Variants in KIF12 observed in about 807,000 individuals in gnomAD.
The protein encoded by KIF12 is kinesin-like protein KIF12.
In KIF12, 80 loss-of-function variants were observed where a neutral mutation model predicts 87.9. The observed-to-expected ratio is 0.91, with a 90% confidence interval of 0.76 to 1.10. The LOEUF is 1.10. Among genes scored for constraint, KIF12 ranks in the 50% least tolerant of loss-of-function variants. The pLI, the probability that KIF12 is intolerant of heterozygous loss-of-function variation, is 0.00. For synonymous variants in KIF12, 353 were observed against 348.5 expected (o/e 1.01, Z -0.14); for missense variants, 819 against 865.3 (o/e 0.95, Z 0.67).
intron 16 of KIF12, 71 bp downstream of exon 16, chr9:114,093,158 G>T: frequency 2.2e-6 from 3 of 1,371,156 alleles, no homozygotes; most frequent in Non-Finnish European, 3.0e-6. Context: ...TGGGGCTCTG[G>T]ATTGATGACT....
At position 114,098,200 on chromosome 9, in the gene KIF12, G is replaced by A. The variant is rs1191983910; in HGVS notation, c.300-10C>T. On this transcript the variant is annotated splice_polypyrimidine_tract_variant and intron_variant, in intron 4 of 18. Coordinates refer to ENST00000640217, the MANE Select transcript of KIF12 (RefSeq NM_001388308.1). Reference sequence around the variant, plus strand: ...AACAGTGCAGGAGAAACTGCGGGCGGCAAGGGCGTGGCTGGACTCCGGCGG... The same window carrying A: ...AACAGTGCAGGAGAAACTGCGGGCGACAAGGGCGTGGCTGGACTCCGGCGG... 3 of 1,543,038 alleles carry A rather than the reference G, an allele frequency of 1.9e-6. No individual in the cohort carries two copies. Among genetic ancestry groups the A allele is most frequent in the South Asian group, 1.2e-5 (1 of 83,184 alleles).
rs1847190739 is a variant in KIF12 at position 114,095,612 on chromosome 9, G to GT, written c.896-281dup. Among the ~76,000 whole-genome samples, 3 of 152,294 alleles carry GT rather than the reference G, an allele frequency of 2.0e-5. No homozygotes were observed. The South Asian group carries it at 6.2e-4, about 32-fold the overall frequency. The stretch of plus-strand genomic sequence containing the variant: ...TAACAAATGGATTGTACACAAAGGA[G>GT]TTTCGCGGGCATCTCACATGCATGC... On this transcript the variant is annotated intron_variant, in intron 9 of 18. Coordinates refer to ENST00000640217, the MANE Select transcript of KIF12 (RefSeq NM_001388308.1).
In KIF12 at chr9:114,091,753, G is replaced by C; in HGVS notation, c.*108C>G. Reference sequence around the variant, plus strand: ...GTCCCCGCCCCTAGCCCAGCTGCAGGTGGAGTAGCAGCTGCTGTCTCCATT... The same window carrying C: ...GTCCCCGCCCCTAGCCCAGCTGCAGCTGGAGTAGCAGCTGCTGTCTCCATT... On this transcript the variant is annotated 3_prime_UTR_variant, in exon 19 of 19. Transcript: ENST00000640217. The C allele has an allele frequency of 8.4e-7, 1 of 1,188,254 alleles. No homozygotes were observed. Among genetic ancestry groups the C allele is most frequent in the Non-Finnish European group, 1.2e-6 (1 of 866,416 alleles). The allele number at this position is 1,188,254 out of a possible 1,614,324, so 73.6% of individuals were successfully genotyped here. A position where few individuals can be genotyped will look rare whatever the true frequency, so the allele number is the denominator to read the frequency against.
rs1455660771 is a variant in KIF12, at chr9:114,093,324, G to A, written c.1501C>T (p.Pro501Ser). 1 of 1,558,628 alleles carries A rather than the reference G, an allele frequency of 6.4e-7. No individual in the cohort carries two copies. Among genetic ancestry groups the A allele is most frequent in the South Asian group, 1.2e-5 (1 of 84,542 alleles). ...TGGCAGCAGGGGCAGGAGTAGAGGG[G>A]TGGCAGTGCCTGCAAAAAGGTGCGT... is the stretch of plus-strand genomic sequence containing the variant. ...APAPPCHALPPLYSCPCCHIC... is the reference protein window; with the variant it reads ...APAPPCHALPSLYSCPCCHIC... The change falls in exon 16 of 19, where the codon CCC (proline) becomes TCC (serine). Residue 501 changes from proline (P) to serine (S), a missense_variant. By Grantham distance (74) the Pro-to-Ser change is moderately conservative (BLOSUM62 -1). Coordinates refer to ENST00000640217, the MANE Select transcript of KIF12 (RefSeq NM_001388308.1).
chr9:114,093,389 C>A lies in KIF12; in HGVS notation c.1491+18G>T, dbSNP rs904559862. The A allele has an allele frequency of 7.1e-6, 11 of 1,558,748 alleles. No homozygotes were observed. The African/African-American group carries it at 1.4e-4, about 19-fold the overall frequency. ...CATCCCTACTTGTCACCCCTCCAGGCTGGGCCGTGAGACTCACATGGCAAG... is the reference window on the plus strand; with the variant it reads ...CATCCCTACTTGTCACCCCTCCAGGATGGGCCGTGAGACTCACATGGCAAG... On this transcript the variant is annotated intron_variant, in intron 15 of 18. Transcript: ENST00000640217.
chr9:114,095,196 C>G lies in KIF12; in HGVS notation c.1014+18G>C, dbSNP rs1208250131. 1 of 1,612,942 alleles carries G rather than the reference C, an allele frequency of 6.2e-7. No homozygotes were observed. The highest frequency in any genetic ancestry group is 8.5e-7 in the Non-Finnish European group (1 of 1,179,746). ...TTCCTCAAGACCCAACCTTCCCTGC[C>G]AGGCCCCGCTTAAGTACCATGAGGG... On this transcript the variant is annotated intron_variant, in intron 10 of 18. Coordinates refer to ENST00000640217, the MANE Select transcript of KIF12 (RefSeq NM_001388308.1).
At position 114,092,426 on chromosome 9, in the gene KIF12, G is replaced by C; in HGVS notation, c.1723C>G (p.Arg575Gly). 6.2e-7 allele frequency: 1 copy of C among 1,613,402 alleles called. No individual in the cohort carries two copies. The highest frequency in any genetic ancestry group is 8.5e-7 in the Non-Finnish European group (1 of 1,179,748). Reference protein sequence around the residue: ...ERSHSDWTQTRVLAEMLTEEE... With the variant: ...ERSHSDWTQTGVLAEMLTEEE... ...TCCGTCAACATCTCTGCCAGGACTC[G>C]GGTCTGAGTCCAGTCACTGTGACTC... is the stretch of plus-strand genomic sequence containing the variant. The change falls in exon 18 of 19, where the codon CGA becomes GGA. Residue 575 changes from arginine to glycine, a missense_variant. Physicochemically the swap from Arg to Gly is moderately radical, Grantham distance 125 (BLOSUM62 -2). Coordinates refer to ENST00000640217, the MANE Select transcript of KIF12 (RefSeq NM_001388308.1).
At position 114,091,931 on chromosome 9, in the gene KIF12, C is replaced by T. The variant is rs374850339; in HGVS notation, c.1886G>A (p.Arg629Gln). 18 of 1,612,374 alleles carry T rather than the reference C, an allele frequency of 1.1e-5. No individual in the cohort carries two copies. The Admixed American group carries it at 1.8e-4, about 16-fold the overall frequency. The change falls in exon 19 of 19, where the codon CGA becomes CAA. Residue 629 changes from arginine (R) to glutamine (Q), a missense_variant. Arg to Gln is a conservative substitution (Grantham distance 43, BLOSUM62 1). Transcript: ENST00000640217. ...GCAGGGTGGCTGGCTGCGGCCACGT[C>T]GCAGGGAGCTGCCAATCTGGTCTCT... Reference protein sequence around the residue: ...ALRDQIGSSLRRGRSQPPCSE... With the variant: ...ALRDQIGSSLQRGRSQPPCSE...
At position 114,098,303 on chromosome 9, in the gene KIF12, C is replaced by G. The variant is rs1177956021; in HGVS notation, c.298G>C (p.Gly100Arg). The G allele has an allele frequency of 3.4e-6, 5 of 1,468,108 alleles. No individual in the cohort carries two copies. Among genetic ancestry groups the G allele is most frequent in the Admixed American group, 5.5e-5 (2 of 36,356 alleles). The allele number at this position is 1,468,108 out of a possible 1,614,324, so 90.9% of individuals were successfully genotyped here. Reference protein sequence around the residue: ...VRRLGELALRGFSCTVFTFGQ... With the variant: ...VRRLGELALRRFSCTVFTFGQ... ...GAGCGGAGGCGAAGCTTCACTCACC[C>G]GCGCAGCGCCAGCTCCCCCAGGCGC... Residue 100 changes from glycine to arginine, a missense_variant and splice_region_variant, in exon 4 of 19, where the codon GGT becomes CGT. Physicochemically the swap from Gly to Arg is moderately radical, Grantham distance 125. Coordinates refer to ENST00000640217, the MANE Select transcript of KIF12 (RefSeq NM_001388308.1).
At chr9:114,098,220 C>T in intron 4 of KIF12, 30 bp from the exon 5 acceptor site, 1 of 1,529,268 alleles carries the variant, frequency 6.5e-7, no homozygotes, top group Non-Finnish European at 8.8e-7. Flanking sequence ...GGCTGGACTC[C>T]GGCGGCTACC....
chr9:114,096,582 C>G (rs1847241253), intron 7 of KIF12, 104 bp from the exon 8 acceptor site: 1 of 974,548 alleles, frequency 1.0e-6, no homozygotes, highest in Admixed American at 2.0e-5. Flanking sequence ...CAGCCTCATG[C>G]AAAGGCAGGG....
At chr9:114,097,815 G>A in intron 5 of KIF12, 74 bp from the exon 6 acceptor site, 2 of 1,485,736 alleles carry the variant, frequency 1.3e-6, no homozygotes, top group African/African-American at 1.4e-5. Context: ...GTATGATACC[G>A]TGCGCCGGGA....
intron 3 of KIF12, 127 bp downstream of exon 3, chr9:114,098,808 G>A: frequency 9.4e-7 from 1 of 1,063,958 alleles, no homozygotes; most frequent in Non-Finnish European, 1.3e-6. Flanking sequence ...GGCACTCTGG[G>A]GAGGGCGGGG....
chr9:114,098,013 G>T, intron 5 of KIF12, 102 bp downstream of exon 5: 1 of 1,209,168 alleles, frequency 8.3e-7, no homozygotes, highest in Non-Finnish European at 1.1e-6. Flanking sequence ...AGGCGGCGTC[G>T]TCCCAGCCCC....
intron 14 of KIF12, 66 bp downstream of exon 14, chr9:114,093,819 TA>T (rs1318138599): frequency 7.2e-7 from 1 of 1,380,162 alleles, no homozygotes; most frequent in East Asian, 2.3e-5. Context: ...AGCAGTTCAT[TA>T]AGCCATCCCT....
chr9:114,096,206 G>T lies in KIF12; in HGVS notation c.740C>A (p.Ala247Asp). 1 of 1,613,790 alleles carries T rather than the reference G, an allele frequency of 6.2e-7. No homozygotes were observed. The highest frequency in any genetic ancestry group is 8.5e-7 in the Non-Finnish European group (1 of 1,179,888). Residue 247 changes from alanine to aspartate, a missense_variant and splice_region_variant, in exon 9 of 19, where the codon GCC becomes GAC. By Grantham distance (126) the Ala-to-Asp change is moderately radical. Coordinates refer to ENST00000640217, the MANE Select transcript of KIF12 (RefSeq NM_001388308.1). The part of the protein sequence containing the change: ...LLTLYISRQT[A>D]QQMPSVDPGE... ...AGGGTCCACAGAAGGCATCTGCTGGGCCTGAGGGATCAGAGCTTCATGGGG... is the reference window on the plus strand; with the variant it reads ...AGGGTCCACAGAAGGCATCTGCTGGTCCTGAGGGATCAGAGCTTCATGGGG...
chr9:114,094,984 TC>T, intron 11 of KIF12, 38 bp downstream of exon 11: 1 of 1,501,116 alleles, frequency 6.7e-7, no homozygotes. Flanking sequence ...CCCCAGCATC[TC>T]CACGCCTGTC....
chr9:114,098,435 G>A lies in KIF12; in HGVS notation c.172-6C>T. 1 of 1,505,338 alleles carries A rather than the reference G, an allele frequency of 6.6e-7. No individual in the cohort carries two copies. The highest frequency in any genetic ancestry group is 8.8e-7 in the Non-Finnish European group (1 of 1,135,516). The allele number at this position is 1,505,338 out of a possible 1,614,324, so 93.2% of individuals were successfully genotyped here. ...CCCCCGCCTGGAGGACTCACCTGGC[G>A]CGGGTGGGGCGGAGGAGCGGGGCAC... On this transcript the variant is annotated splice_region_variant and splice_polypyrimidine_tract_variant and intron_variant, in intron 3 of 18. Coordinates refer to ENST00000640217, the MANE Select transcript of KIF12 (RefSeq NM_001388308.1).
In KIF12 at chr9:114,095,127, C is replaced by A; in HGVS notation, c.1015G>T (p.Val339Leu). The A allele has an allele frequency of 6.2e-7, 1 of 1,606,474 alleles. No individual in the cohort carries two copies. The highest frequency in any genetic ancestry group is 8.5e-7 in the Non-Finnish European group (1 of 1,176,140). The change falls in exon 11 of 19, where the codon GTG becomes TTG. Residue 339 changes from valine to leucine, a missense_variant and splice_region_variant. Val to Leu is a conservative substitution (Grantham distance 32). Coordinates refer to ENST00000640217, the MANE Select transcript of KIF12 (RefSeq NM_001388308.1). ...TGGGCTGAGGGGGACACGCAGGCCA[C>A]CTGGGGAGTGCACTCCCCCTGAGCG... is the stretch of plus-strand genomic sequence containing the variant. ...SLGGRGVTLMVACVSPSAQCL... is the reference protein window; with the variant it reads ...SLGGRGVTLMLACVSPSAQCL...
Sources: allele counts gnomAD v4.1 joint callset (sites outside exome capture counted in the v4.1 genomes callset), GRCh38; gene constraint gnomAD v4.1.1; transcripts MANE v1.5; gene names NCBI Gene and HGNC (gene_info 2026-07-23, HGNC 2026-07-21).